Variants in EPHA5 observed in about 807,000 individuals in gnomAD.
EPHA5 encodes EPH receptor A5.
A neutral mutation model predicts 105.0 loss-of-function variants in EPHA5; 60 were observed. The ratio of observed to expected loss-of-function variants is 0.57; its 90% CI spans 0.46 to 0.71. The LOEUF is 0.71. EPHA5 is among the 30% of genes least tolerant of loss of function. The probability of loss-of-function intolerance (pLI) is 0.00; values close to 1 mark genes in which losing one functional copy is unlikely to be tolerated. For missense variants in EPHA5, 1,218 were observed against 1,274.7 expected, an observed-to-expected ratio of 0.96 and a Z score of 0.68; for synonymous variants, 513 against 449.1, an observed-to-expected ratio of 1.14 and a Z score of -1.80.
At chr4:65,488,700 C>T (rs1731113041) in intron 5 of EPHA5, among the ~76,000 whole-genome samples, 1 of 151,954 alleles carries the variant, frequency 6.6e-6, no homozygotes, top group South Asian at 2.1e-4. Flanking sequence ...TATATGTGTG[C>T]ATTATATTTT....
At chr4:65,430,742 T>C (rs1433327271) in intron 5 of EPHA5, among the ~76,000 whole-genome samples, 1 of 152,090 alleles carries the variant, frequency 6.6e-6, no homozygotes, top group African/African-American at 2.4e-5. Context: ...CATAGAATAA[T>C]GAAAGAATAG....
intron 7 of EPHA5, among the ~76,000 whole-genome samples, chr4:65,410,489 T>C (rs1250842856): frequency 1.3e-5 from 2 of 152,190 alleles, no homozygotes; most frequent in African/African-American, 4.8e-5. Context: ...TTGGGATTGT[T>C]TGATGACTTG....
At chr4:65,331,327 A>C (rs1720596126) in intron 16 of EPHA5, 1 of 1,035,456 alleles carries the variant, frequency 9.7e-7, no homozygotes, top group East Asian at 5.9e-5. Context: ...AGAACTTAAT[A>C]TTTAACTCTA....
At chr4:65,428,599 A>G (rs1351027652) in intron 5 of EPHA5, among the ~76,000 whole-genome samples, 1 of 152,118 alleles carries the variant, frequency 6.6e-6, no homozygotes, top group Non-Finnish European at 1.5e-5. Context: ...CTGGCCTTAA[A>G]TGTCAGTAGT....
intron 13 of EPHA5, among the ~76,000 whole-genome samples, chr4:65,351,008 G>A (rs1365142309): frequency 7.3e-6 from 1 of 137,168 alleles, no homozygotes; most frequent in Non-Finnish European, 1.6e-5. Context: ...ATATATATGT[G>A]TGTATACACA....
intron 8 of EPHA5, among the ~76,000 whole-genome samples, chr4:65,371,784 A>T (rs1416314737): frequency 6.6e-6 from 1 of 152,000 alleles, no homozygotes; most frequent in South Asian, 2.1e-4. Flanking sequence ...GCTTTAGTCT[A>T]TAGAAATATA....
At chr4:65,380,125 T>A (rs1321745717) in intron 8 of EPHA5, among the ~76,000 whole-genome samples, 1 of 151,818 alleles carries the variant, frequency 6.6e-6, no homozygotes, top group Non-Finnish European at 1.5e-5. Context: ...CAATCTTATC[T>A]GTGAGCTCTG....
chr4:65,389,260 G>A (rs1471060288), intron 8 of EPHA5, among the ~76,000 whole-genome samples: 1 of 151,912 alleles, frequency 6.6e-6, no homozygotes, highest in Non-Finnish European at 1.5e-5. Flanking sequence ...TGTGGTGCTG[G>A]CATATCCAAA....
intron 7 of EPHA5, among the ~76,000 whole-genome samples, chr4:65,406,019 A>T (rs1178817698): frequency 3.9e-5 from 6 of 152,088 alleles, no homozygotes; most frequent in Admixed American, 3.9e-4. Context: ...TTCTCTAATT[A>T]ATTTCCTAGT....
At chr4:65,329,355 A>G (rs1297480589) in intron 16 of EPHA5, among the ~76,000 whole-genome samples, 19 of 151,440 alleles carry the variant, frequency 1.3e-4, no homozygotes, top group Admixed American at 1.2e-3. Context: ...TTCAATATTT[A>G]GCTATACATG....
chr4:65,604,728 TA>T (rs11374403), intron 2 of EPHA5, among the ~76,000 whole-genome samples: 34,403 of 143,884 alleles, frequency 0.24, 4,050 homozygotes, highest in Non-Finnish European at 0.26. Context: ...ATCAGGTATG[TA>T]AAAAAAAAAA....
chr4:65,521,523 T>TA (rs963560685), intron 3 of EPHA5, among the ~76,000 whole-genome samples: 2 of 151,810 alleles, frequency 1.3e-5, no homozygotes, highest in South Asian at 2.1e-4. Context: ...TAAGGTATAA[T>TA]AAAAAAAAGC....
At chr4:65,445,848 C>G (rs891775627) in intron 5 of EPHA5, among the ~76,000 whole-genome samples, 3 of 152,146 alleles carry the variant, frequency 2.0e-5, no homozygotes, top group Non-Finnish European at 2.9e-5. Flanking sequence ...TTTATCTTCT[C>G]TAGTAGTTCA....
At chr4:65,521,234 T>C (rs1734679600) in intron 3 of EPHA5, among the ~76,000 whole-genome samples, 1 of 152,020 alleles carries the variant, frequency 6.6e-6, no homozygotes, top group South Asian at 2.1e-4. Flanking sequence ...AGGGAATAGA[T>C]GAAGCTGGAA....
chr4:65,510,721 G>A (rs969657893), intron 3 of EPHA5, among the ~76,000 whole-genome samples: 5 of 152,134 alleles, frequency 3.3e-5, no homozygotes, highest in Non-Finnish European at 7.3e-5. Flanking sequence ...CTTGGTGTCT[G>A]TCCACTTCAA....
At chr4:65,667,453 TG>T (rs1750056732) in intron 1 of EPHA5, among the ~76,000 whole-genome samples, 1 of 152,070 alleles carries the variant, frequency 6.6e-6, no homozygotes, top group African/African-American at 2.4e-5. Context: ...GAGCACCAGG[TG>T]GTAAGGTACA....
chr4:65,636,047 C>T (rs1161048509), intron 2 of EPHA5, among the ~76,000 whole-genome samples: 3 of 152,082 alleles, frequency 2.0e-5, no homozygotes, highest in East Asian at 1.9e-4. Context: ...ATTCTAAATG[C>T]TTTCATAATT....
chr4:65,393,113 G>A (rs1720884227), intron 8 of EPHA5, among the ~76,000 whole-genome samples: 1 of 152,142 alleles, frequency 6.6e-6, no homozygotes, highest in Non-Finnish European at 1.5e-5. Context: ...TCACATGTCA[G>A]TAAGGCTTAA....
intron 11 of EPHA5, among the ~76,000 whole-genome samples, chr4:65,362,856 C>A (rs1457757007): frequency 6.6e-6 from 1 of 151,610 alleles, no homozygotes; most frequent in Non-Finnish European, 1.5e-5. Context: ...CTTCAAGGAA[C>A]ATACATTTTT....
Sources: gnomAD v4.1 joint callset for allele counts (sites outside exome capture counted in the v4.1 genomes callset) on GRCh38, gnomAD v4.1.1 for gene constraint, MANE v1.5 for transcripts, NCBI Gene and HGNC (gene_info 2026-07-23, HGNC 2026-07-21) for gene names.